The following PLCH2 variants were observed in gnomAD, a reference collection of about 807,000 sequenced individuals.
PLCH2 encodes phospholipase C eta 2.
Under a neutral mutation model 134.7 loss-of-function variants are expected in PLCH2, and 98 were observed. That is an observed-to-expected ratio of 0.73 (90% CI 0.62 to 0.86). The LOEUF is 0.86. Ranked by LOEUF, PLCH2 falls within the 40% of genes least tolerant of loss-of-function variation. The pLI, the probability that PLCH2 is intolerant of heterozygous loss-of-function variation, is 0.00. For synonymous variants in PLCH2, 974 were observed against 827.5 expected (o/e 1.18, Z -3.04); for missense variants, 1,994 against 1,986.6 (o/e 1.00, Z -0.07).
At chr1:2,472,043 C>A (rs1285528759), upstream of PLCH2, among the ~76,000 whole-genome samples, 1 of 152,142 alleles carries the variant, frequency 6.6e-6, no homozygotes, top group Non-Finnish European at 1.5e-5. Context: ...CCCTTGGTTC[C>A]CCTGCCCTTG....
chr1:2,499,030 G>A (rs1039872567), intron 18 of PLCH2, 54 bp from the exon 19 acceptor site: 132 of 1,568,672 alleles, frequency 8.4e-5, no homozygotes, highest in South Asian at 6.9e-4. Context: ...AGGCTGGAGC[G>A]GTGCTGGGCC....
chr1:2,489,166 G>C (rs1475599109), intron 8 of PLCH2, 41 bp from the exon 9 acceptor site: 2 of 1,593,810 alleles, frequency 1.3e-6, no homozygotes, highest in African/African-American at 1.3e-5. Context: ...CATCCTCTGA[G>C]GCCCTGGCCT....
intron 1 of PLCH2, 71 bp from the exon 2 acceptor site, chr1:2,478,405 G>T: frequency 6.4e-7 from 1 of 1,573,052 alleles, no homozygotes; most frequent in Non-Finnish European, 8.7e-7. Context: ...CCGTGCCTCC[G>T]CTGACGGCCG....
rs571699490 is a variant in PLCH2 at position 2,459,494 on chromosome 1, G to A, written c.116-18982G>A. Among the ~76,000 whole-genome samples, 18 of 75,432 alleles carry A rather than the reference G, an allele frequency of 2.4e-4. 3 individuals are homozygous for A. Among genetic ancestry groups the A allele is most frequent in the African/African-American group, 8.3e-4 (18 of 21,752 alleles). 49.5% of individuals were successfully genotyped at this position (75,432 alleles called of 152,430 possible). A position where few individuals can be genotyped will look rare whatever the true frequency, so the allele number is the denominator to read the frequency against. ...CTTCCTGGTGGTCCTCCTTCCTGGT[G>A]GTCCTCCTTCCTGGTGGTCCTCCTT... On this transcript the variant is annotated intron_variant, in intron 2 of 3. Transcript: ENST00000609981.
intron 2 of PLCH2, among the ~76,000 whole-genome samples, chr1:2,453,211 C>T (rs922649716): frequency 2.0e-5 from 3 of 152,178 alleles, no homozygotes; most frequent in African/African-American, 2.4e-5. Flanking sequence ...GTCTGCCCCC[C>T]GACAGCGCCA....
intron 21 of PLCH2, chr1:2,503,186 G>A: frequency 3.3e-6 from 2 of 612,414 alleles, no homozygotes; most frequent in South Asian, 3.6e-5. Context: ...CTGAGGGTCT[G>A]GGGCCGGGAC....
Position 2,489,301 on chromosome 1 carries a change from G to A in PLCH2, c.1330G>A (p.Asp444Asn), listed in dbSNP as rs1349252807. ...GACTGACATCCTTGGGGACAAGCTGGACCTGTCATCAGTGAGCAGTGAAGA... is the reference window on the plus strand; with the variant it reads ...GACTGACATCCTTGGGGACAAGCTGAACCTGTCATCAGTGAGCAGTGAAGA... ...YLTDILGDKLDLSSVSSEDAT... is the reference protein window; with the variant it reads ...YLTDILGDKLNLSSVSSEDAT... The change falls in exon 9 of 22, where the codon GAC (aspartate) becomes AAC (asparagine). Residue 444 changes from aspartate to asparagine, a missense_variant. Physicochemically the swap from Asp to Asn is conservative, Grantham distance 23. Around this residue, in one of 2 missense-constraint regions of PLCH2, gnomAD observed 1,094 missense variants for 1,234.3 expected, o/e 0.89. Coordinates refer to ENST00000378486, the MANE Select transcript of PLCH2 (RefSeq NM_014638.4). 1 of 1,613,854 alleles carries A rather than the reference G, an allele frequency of 6.2e-7. No homozygotes were observed. The highest frequency in any genetic ancestry group is 8.5e-7 in the Non-Finnish European group (1 of 1,179,872).
intron 4 of PLCH2, 142 bp from the exon 5 acceptor site, chr1:2,484,306 G>T (rs1482249469): frequency 1.3e-6 from 1 of 777,320 alleles, no homozygotes; most frequent in East Asian, 2.7e-5. Flanking sequence ...GGAGTGATTG[G>T]AGGCCGTGAC....
intron 5 of PLCH2, among the ~76,000 whole-genome samples, chr1:2,484,907 CA>C (rs1266752007): frequency 6.6e-6 from 1 of 152,090 alleles, no homozygotes; most frequent in Admixed American, 6.5e-5. Context: ...GTTTCTCCTC[CA>C]GGGGCCCCTG....
At chr1:2,473,926 T>C (rs1483882117), upstream of PLCH2, among the ~76,000 whole-genome samples, 1 of 152,196 alleles carries the variant, frequency 6.6e-6, no homozygotes, top group Non-Finnish European at 1.5e-5. Context: ...CCACATCAGG[T>C]GTCCTGGCTC....
chr1:2,431,285 C>G (rs1016890359), intron 2 of PLCH2, among the ~76,000 whole-genome samples: 1 of 151,964 alleles, frequency 6.6e-6, no homozygotes, highest in Non-Finnish European at 1.5e-5. Flanking sequence ...TCTGCCTGCA[C>G]TCGTGAGGGT....
exon 1 of PLCH2, chr1:2,467,566 AGGGCCCGGTGTCCCTCGGGCCGTGCC>A (rs1641123412): frequency 1.2e-5 from 5 of 402,090 alleles, no homozygotes; most frequent in Middle Eastern, 4.3e-4. Flanking sequence ...GGGCCAGCAC[AGGGCCCGGTGTCCCTCGGGCCGTGCC>A]GGTAACTGGG....
intron 5 of PLCH2, 78 bp downstream of exon 5, chr1:2,484,696 G>C (rs940813917): frequency 3.9e-5 from 59 of 1,502,598 alleles, no homozygotes; most frequent in Non-Finnish European, 5.1e-5. Context: ...CTTCAGTCAG[G>C]GGACAGTGGT....
upstream of PLCH2, among the ~76,000 whole-genome samples, chr1:2,475,098 C>A (rs969723590): frequency 2.0e-5 from 3 of 152,192 alleles, no homozygotes; most frequent in African/African-American, 7.2e-5. Context: ...GTGCTGACTG[C>A]ATCTGATCTG....
At chr1:2,496,178 C>T (rs902692426) in intron 13 of PLCH2, among the ~76,000 whole-genome samples, 1 of 152,184 alleles carries the variant, frequency 6.6e-6, no homozygotes, top group Admixed American at 6.5e-5. Context: ...ACGTGCCAGC[C>T]GGGCTCTGCC....
chr1:2,425,020 G>C (rs1049781086), upstream of PLCH2, among the ~76,000 whole-genome samples: 1 of 151,956 alleles, frequency 6.6e-6, no homozygotes, highest in East Asian at 1.9e-4. Context: ...AAAATTAGAC[G>C]TGCGTGGTGG....
chr1:2,495,423 C>G lies in PLCH2; in HGVS notation c.1753-65C>G, dbSNP rs371332465. 226 of 1,404,746 alleles carry G rather than the reference C, an allele frequency of 1.6e-4. 6 individuals are homozygous for G. The South Asian group carries it at 2.7e-3, about 16-fold the overall frequency. 87.0% of individuals were successfully genotyped at this position (1,404,746 alleles called of 1,614,324 possible). On this transcript the variant is annotated intron_variant, in intron 12 of 21. Transcript: ENST00000378486. ...GGAGGATAGGCCCTCCCCAACCCCCCAGCCTTCGCCAAGGCCTGGCCTGGG... is the reference window on the plus strand; with the variant it reads ...GGAGGATAGGCCCTCCCCAACCCCCGAGCCTTCGCCAAGGCCTGGCCTGGG...
chr1:2,485,770 G>A (rs1334485891), intron 5 of PLCH2, among the ~76,000 whole-genome samples: 1 of 152,138 alleles, frequency 6.6e-6, no homozygotes, highest in African/African-American at 2.4e-5. Flanking sequence ...GATGGGAGTG[G>A]CAGGAGGAGC....
In PLCH2 at chr1:2,504,481, T is replaced by G; in HGVS notation, c.3519T>G (p.Ala1173=). ...LGLGRSRENL[A]GAHMGRLPPR... is the part of the protein sequence containing the mutation. ...TGGGCCGCAGCCGTGAGAACCTCGC[T>G]GGAGCCCACATGGGACGCCTGCCCC... is the stretch of plus-strand genomic sequence containing the variant. Residue 1173 remains alanine, a synonymous_variant, in exon 22 of 22, where the codon GCT becomes GCG. Transcript: ENST00000378486. The G allele has an allele frequency of 6.2e-7, 1 of 1,612,204 alleles. No individual in the cohort carries two copies. Among genetic ancestry groups the G allele is most frequent in the East Asian group, 2.2e-5 (1 of 44,790 alleles).
Sources: gnomAD v4.1 joint callset for allele counts (sites outside exome capture counted in the v4.1 genomes callset) on GRCh38, gnomAD v4.1.1 for gene constraint, gnomAD v4.1.1 regional missense constraint, MANE v1.5 for transcripts, NCBI Gene and HGNC (gene_info 2026-07-23, HGNC 2026-07-21) for gene names.